CNTNAP3: variants seen among roughly 807,000 people sequenced by gnomAD.
The protein encoded by CNTNAP3 is contactin-associated protein-like 3.
A neutral mutation model predicts 92.1 loss-of-function variants in CNTNAP3; 36 were observed. That is an observed-to-expected ratio of 0.39 (90% confidence interval 0.30 to 0.52). The LOEUF (loss-of-function observed/expected upper bound fraction) is 0.52, where lower values mean the gene tolerates loss of function less well. CNTNAP3 is among the 20% of genes least tolerant of loss of function. The pLI is 0.76. For synonymous variants in CNTNAP3, 232 were observed against 422.3 expected (o/e 0.55, Z 5.53); for missense variants, 534 against 1,069.6 (o/e 0.50, Z 6.98).
intron 18 of CNTNAP3, among the ~76,000 whole-genome samples, chr9:39,094,836 T>A (rs1826291028): frequency 6.6e-6 from 1 of 151,542 alleles, no homozygotes; most frequent in Non-Finnish European, 1.5e-5. Context: ...CTTTTTCAAA[T>A]TTTATTTAAA....
In CNTNAP3 at chr9:39,075,535, A is replaced by G. The variant is rs967134128; in HGVS notation, c.3746-1524T>C. Among the ~76,000 whole-genome samples, 636 of 152,094 alleles carry G rather than the reference A, an allele frequency of 4.2e-3. 1 individual carries two copies. Among genetic ancestry groups the G allele is most frequent in the African/African-American group, 0.014 (599 of 41,314 alleles). ...AGTAAAGGCAATTAAGAAGCAGCCA[A>G]TGGAGGAAGAGCTCTCTAGATCCTC... On this transcript the variant is annotated intron_variant, in intron 23 of 23. Coordinates refer to ENST00000297668, the MANE Select transcript of CNTNAP3 (RefSeq NM_033655.5).
intron 12 of CNTNAP3, among the ~76,000 whole-genome samples, chr9:39,136,661 G>A (rs1338939543): frequency 6.6e-6 from 1 of 152,164 alleles, no homozygotes; most frequent in Non-Finnish European, 1.5e-5. Context: ...AGCACTTTGG[G>A]AGGCTGAGGT....
rs1426509023 is a variant in CNTNAP3 at position 39,066,335 on chromosome 9, T to C, written c.*7555A>G. ...TTTTACTCATGCTGCAGAACTCACA[T>C]GACACTGCTATTATTTCTAAACAGC... On this transcript the variant is annotated 3_prime_UTR_variant, in exon 24 of 24. Coordinates refer to ENST00000297668, the MANE Select transcript of CNTNAP3 (RefSeq NM_033655.5). 6.6e-6 allele frequency among the ~76,000 whole-genome samples: 1 copy of C among 152,190 alleles called. No homozygotes were observed. Among genetic ancestry groups the C allele is most frequent in the Non-Finnish European group, 1.5e-5 (1 of 68,028 alleles).
intron 11 of CNTNAP3, among the ~76,000 whole-genome samples, chr9:39,140,859 AC>A: frequency 6.6e-6 from 1 of 152,346 alleles, no homozygotes; most frequent in South Asian, 2.1e-4. Context: ...TAGTCAAAAT[AC>A]ATTCAAATGT....
intron 9 of CNTNAP3, among the ~76,000 whole-genome samples, chr9:39,161,613 T>C (rs1344734623): frequency 8.4e-6 from 1 of 119,256 alleles, no homozygotes; most frequent in Admixed American, 8.6e-5. Context: ...CCTTGGAGTT[T>C]GAGACAAGCC....
At chr9:39,094,841 T>C (rs1055625944) in intron 18 of CNTNAP3, among the ~76,000 whole-genome samples, 36 of 151,654 alleles carry the variant, frequency 2.4e-4, no homozygotes, top group Admixed American at 2.0e-4. Context: ...TCAAATTTTA[T>C]TTAAATATTG....
At chr9:39,105,642 C>T in intron 15 of CNTNAP3, among the ~76,000 whole-genome samples, 1 of 152,038 alleles carries the variant, frequency 6.6e-6, no homozygotes, top group Non-Finnish European at 1.5e-5. Context: ...CTTTTTCTTT[C>T]CCCTTTGTCA....
At position 39,072,183 on chromosome 9, in the gene CNTNAP3, T is replaced by A. The variant is rs1260601027; in HGVS notation, c.*1707A>T. ...TGTAGTATTCTGAGAAGAGATCATT[T>A]GTTAAGAGCGGATTTAAGACAGAGA... On this transcript the variant is annotated 3_prime_UTR_variant, in exon 24 of 24. Coordinates refer to ENST00000297668, the MANE Select transcript of CNTNAP3 (RefSeq NM_033655.5). Among the ~76,000 whole-genome samples, 1 of 114,754 alleles carries A rather than the reference T, an allele frequency of 8.7e-6. No individual in the cohort carries two copies. The highest frequency in any genetic ancestry group is 1.7e-5 in the Non-Finnish European group (1 of 59,108). 75.3% of individuals were successfully genotyped at this position (114,754 alleles called of 152,430 possible). A position where few individuals can be genotyped will look rare whatever the true frequency, so the allele number is the denominator to read the frequency against.
chr9:39,131,258 C>T (rs2778167), intron 13 of CNTNAP3, among the ~76,000 whole-genome samples: 1 of 152,112 alleles, frequency 6.6e-6, no homozygotes, highest in Admixed American at 6.6e-5. Flanking sequence ...CTTATGTAAG[C>T]TATCTCATTT....
At chr9:39,080,670 T>C (rs2118393635) in intron 21 of CNTNAP3, among the ~76,000 whole-genome samples, 1 of 129,920 alleles carries the variant, frequency 7.7e-6, no homozygotes, top group Middle Eastern at 3.6e-3. Flanking sequence ...CTTTTTTTTT[T>C]TTTTTTTTTT....
chr9:39,081,922 C>CAAA (rs760745244), intron 21 of CNTNAP3, among the ~76,000 whole-genome samples: 15 of 123,760 alleles, frequency 1.2e-4, no homozygotes, highest in African/African-American at 4.4e-4. Flanking sequence ...ACTAAAAATA[C>CAAA]AAAAAAAAAA....
At chr9:39,077,469 AT>A (rs1420084701) in intron 23 of CNTNAP3, among the ~76,000 whole-genome samples, 2 of 152,038 alleles carry the variant, frequency 1.3e-5, no homozygotes, top group Non-Finnish European at 2.9e-5. Flanking sequence ...CGGCAGGAGA[AT>A]GGCGTGAACC....
In CNTNAP3 at chr9:39,069,841, A is replaced by G. The variant is rs1399855767; in HGVS notation, c.*4049T>C. Among the ~76,000 whole-genome samples, 37 of 151,980 alleles carry G rather than the reference A, an allele frequency of 2.4e-4. No individual in the cohort carries two copies. Among genetic ancestry groups the G allele is most frequent in the African/African-American group, 8.7e-4 (36 of 41,358 alleles). ...ATGTGAAGGAAGAGAAAAGCGTTGG[A>G]CTCTATGATATTTAATGTCTTTACC... On this transcript the variant is annotated 3_prime_UTR_variant, in exon 24 of 24. Transcript: ENST00000297668.
chr9:39,136,166 A>T (rs3930957), intron 12 of CNTNAP3, among the ~76,000 whole-genome samples: 120 of 136,742 alleles, frequency 8.8e-4, no homozygotes, highest in Middle Eastern at 3.8e-3. Flanking sequence ...ATAATAATAA[A>T]AATAATAGTT....
At chr9:39,099,767 A>T in intron 18 of CNTNAP3, 144 bp downstream of exon 18, 1 of 959,748 alleles carries the variant, frequency 1.0e-6, no homozygotes, top group Non-Finnish European at 1.5e-6. Context: ...TTCTAAATTC[A>T]ATAGAGGAAT....
intron 9 of CNTNAP3, among the ~76,000 whole-genome samples, chr9:39,151,048 CTAGT>C (rs1274055947): frequency 1.4e-5 from 2 of 147,142 alleles, no homozygotes; most frequent in African/African-American, 2.6e-5. Flanking sequence ...AGTACACACT[CTAGT>C]TAAAGAAAAC....
chr9:39,146,561 C>T (rs1233896624), intron 10 of CNTNAP3, among the ~76,000 whole-genome samples: 2 of 152,024 alleles, frequency 1.3e-5, no homozygotes, highest in Admixed American at 1.3e-4. Context: ...TGGTGGCGGG[C>T]GCCTGTAGTT....
intron 14 of CNTNAP3, among the ~76,000 whole-genome samples, chr9:39,117,108 C>T (rs1169307354): frequency 6.6e-6 from 1 of 152,050 alleles, no homozygotes; most frequent in Non-Finnish European, 1.5e-5. Flanking sequence ...TCTCCTGTCT[C>T]ACCCTCCTGA....
intron 12 of CNTNAP3, among the ~76,000 whole-genome samples, chr9:39,134,116 A>T (rs1233534541): frequency 1.3e-5 from 2 of 152,178 alleles, no homozygotes; most frequent in Non-Finnish European, 2.9e-5. Flanking sequence ...GACAAATTTC[A>T]CAGCCTTACT....
Sources: gnomAD v4.1 joint callset for allele counts (sites outside exome capture counted in the v4.1 genomes callset) on GRCh38, gnomAD v4.1.1 for gene constraint, MANE v1.5 for transcripts, NCBI Gene and HGNC (gene_info 2026-07-23, HGNC 2026-07-21) for gene names.